The following CD6 variants were observed in gnomAD, a reference collection of about 807,000 sequenced individuals.
The protein encoded by CD6 is CD6 molecule.
CD6 carries 53 observed loss-of-function variants against 75.3 expected under a neutral mutation model. The ratio of observed to expected loss-of-function variants is 0.70; its 90% CI spans 0.56 to 0.88. CD6 has a LOEUF of 0.88. Ranked by LOEUF, CD6 falls within the 40% of genes least tolerant of loss-of-function variation. The pLI, the probability that CD6 is intolerant of heterozygous loss-of-function variation, is 0.00. For missense variants in CD6, 770 were observed against 897.1 expected (o/e 0.86, Z 1.81); for synonymous variants, 359 against 381.5 (o/e 0.94, Z 0.69).
At chr11:60,988,934 C>T (rs1857940842) in intron 1 of CD6, among the ~76,000 whole-genome samples, 1 of 152,220 alleles carries the variant, frequency 6.6e-6, no homozygotes, top group Non-Finnish European at 1.5e-5. Context: ...CTCCCCTCCT[C>T]CAGCCTGCAG....
At chr11:60,995,348 T>C (rs1252309800) in intron 1 of CD6, among the ~76,000 whole-genome samples, 2 of 152,120 alleles carry the variant, frequency 1.3e-5, no homozygotes, top group African/African-American at 4.8e-5. Flanking sequence ...TTTCGCCATG[T>C]TGGCCAGGCT....
chr11:61,017,566 A>G lies in CD6; in HGVS notation c.1582+16A>G, dbSNP rs2074232. ...TTGGAGGAAGGTGAGTCAGGATGGG[A>G]AGGGGTGTGAATGGCAGTCCCACCT... On this transcript the variant is annotated intron_variant, in intron 10 of 12. Transcript: ENST00000313421. 0.62 allele frequency: 959,880 copies of G among 1,558,118 alleles called. 306,874 individuals carry two copies. Among genetic ancestry groups the G allele is most frequent in the Middle Eastern group, 0.82 (4,850 of 5,918 alleles).
At position 61,007,093 on chromosome 11, in the gene CD6, C is replaced by T. The variant is rs1858897419; in HGVS notation, c.118+451C>T. ...TCAGCTGAAGCAGCCCATCATCAAC[C>T]CCATGGCCAGCCGCTTCACAATCCT... is the stretch of plus-strand genomic sequence containing the variant. On this transcript the variant is annotated intron_variant, in intron 2 of 12. Coordinates refer to ENST00000313421, the MANE Select transcript of CD6 (RefSeq NM_006725.5). The surrounding 1 kb of genome is among the most constrained non-coding windows in gnomAD (Gnocchi z 4.2). Among the ~76,000 whole-genome samples, 1 of 152,196 alleles carries T rather than the reference C, an allele frequency of 6.6e-6. No individual in the cohort carries two copies. The highest frequency in any genetic ancestry group is 2.4e-5 in the African/African-American group (1 of 41,528).
Position 61,016,090 on chromosome 11 carries a change from G to A in CD6, c.1510+255G>A, listed in dbSNP as rs538205556. Among the ~76,000 whole-genome samples the A allele has an allele frequency of 1.2e-3, 177 of 152,322 alleles. 1 individual carries two copies. The highest frequency in any genetic ancestry group is 1.1e-3 in the Non-Finnish European group (72 of 68,030). Reference sequence around the variant, plus strand: ...CTCTCCCATGTTTGTCTCTGGCCACGTAAGGTCTTAAGACCAGGCCTTTGA... The same window carrying A: ...CTCTCCCATGTTTGTCTCTGGCCACATAAGGTCTTAAGACCAGGCCTTTGA... On this transcript the variant is annotated intron_variant, in intron 9 of 12. Transcript: ENST00000313421.
chr11:61,009,544 G>T, intron 4 of CD6, 28 bp from the exon 5 acceptor site: 2 of 1,558,252 alleles, frequency 1.3e-6, no homozygotes, highest in South Asian at 2.4e-5. Context: ...ATTCTGACCT[G>T]ACTCTGTCCC....
chr11:61,007,778 A>G lies in CD6; in HGVS notation c.337A>G (p.Thr113Ala). Reference protein sequence around the residue: ...ELPPPPAAGNTSVAANATLAG... With the variant: ...ELPPPPAAGNASVAANATLAG... ...GCCGCCCCCGCCTGCAGCCGGGAAC[A>G]CCAGCGTAGCAGCTAATGCCACTCT... The change falls in exon 3 of 13, where the codon ACC (threonine) becomes GCC (alanine). Residue 113 changes from threonine (T) to alanine (A), a missense_variant. Thr to Ala is a moderately conservative substitution (Grantham distance 58). Coordinates refer to ENST00000313421, the MANE Select transcript of CD6 (RefSeq NM_006725.5). This position sits in a 1 kb window ranked among gnomAD's most constrained non-coding sequence, Gnocchi z 4.2. The G allele has an allele frequency of 6.8e-7, 1 of 1,471,734 alleles. No homozygotes were observed. Among genetic ancestry groups the G allele is most frequent in the Non-Finnish European group, 9.0e-7 (1 of 1,112,760 alleles). The allele number at this position is 1,471,734 out of a possible 1,614,324, so 91.2% of individuals were successfully genotyped here.
At chr11:60,992,343 T>A (rs962320132) in intron 1 of CD6, among the ~76,000 whole-genome samples, 2 of 143,852 alleles carry the variant, frequency 1.4e-5, no homozygotes, top group South Asian at 2.3e-4. Flanking sequence ...TTTTTTTTTT[T>A]ATATATAACT....
intron 1 of CD6, among the ~76,000 whole-genome samples, chr11:60,976,629 A>C (rs1857373615): frequency 6.6e-6 from 1 of 152,200 alleles, no homozygotes; most frequent in Non-Finnish European, 1.5e-5. Flanking sequence ...TATGCCAAGC[A>C]GGTTGAAGTT....
intron 1 of CD6, among the ~76,000 whole-genome samples, chr11:60,972,360 T>A (rs2905689): frequency 2.0e-5 from 3 of 152,182 alleles, no homozygotes; most frequent in Admixed American, 6.5e-5. Flanking sequence ...GGAGAGCACC[T>A]CCCGAAACAG....
chr11:61,001,455 C>G (rs915415708), intron 1 of CD6, among the ~76,000 whole-genome samples: 1 of 152,122 alleles, frequency 6.6e-6, no homozygotes, highest in Non-Finnish European at 1.5e-5. Context: ...CCCACCTTGG[C>G]CTCCCAAAGT....
chr11:60,984,035 G>A (rs1328820958), intron 1 of CD6, among the ~76,000 whole-genome samples: 2 of 151,964 alleles, frequency 1.3e-5, no homozygotes, highest in East Asian at 3.9e-4. Flanking sequence ...AGGCACATGG[G>A]CTCTCCATGT....
chr11:61,019,180 C>A, intron 12 of CD6, 74 bp from the exon 13 acceptor site: 2 of 1,139,296 alleles, frequency 1.8e-6, no homozygotes, highest in Non-Finnish European at 2.6e-6. Context: ...GGAGCCAGAA[C>A]CACTCAGCTC....
In CD6 at chr11:61,018,072, A is replaced by T; in HGVS notation, c.1837+59A>T. 1.3e-6 allele frequency: 2 copies of T among 1,581,856 alleles called. 1 individual carries two copies. The highest frequency in any genetic ancestry group is 2.3e-5 in the South Asian group (2 of 86,700). On this transcript the variant is annotated intron_variant, in intron 11 of 12. Transcript: ENST00000313421. ...AGCCAGCCTGGCTGGAGGAGGCATA[A>T]AGCTGGGAGCCCTGAGTCAGGCTGA...
chr11:60,986,940 C>T, intron 1 of CD6, among the ~76,000 whole-genome samples: 1 of 152,126 alleles, frequency 6.6e-6, no homozygotes, highest in East Asian at 1.9e-4. Context: ...CCAGCCTGGC[C>T]AACGTGGTGA....
At chr11:60,983,199 C>T (rs554858278) in intron 1 of CD6, among the ~76,000 whole-genome samples, 33 of 151,756 alleles carry the variant, frequency 2.2e-4, no homozygotes, top group African/African-American at 6.3e-4. Flanking sequence ...CAGGTTCAAG[C>T]GAGTCTCGTG....
chr11:60,999,442 C>T (rs1320837949), intron 1 of CD6, among the ~76,000 whole-genome samples: 1 of 150,770 alleles, frequency 6.6e-6, no homozygotes, highest in Non-Finnish European at 1.5e-5. Context: ...GGAGATTGTA[C>T]TCGGGCTCTC....
At position 61,013,917 on chromosome 11, in the gene CD6, A is replaced by C. The variant is rs754259701; in HGVS notation, c.1292-2A>C. 14 of 1,600,774 alleles carry C rather than the reference A, an allele frequency of 8.7e-6. No homozygotes were observed. Among genetic ancestry groups the C allele is most frequent in the Non-Finnish European group, 1.2e-5 (14 of 1,173,304 alleles). ...GTAGAATTTCTGCCTCCCCTCCCTC[A>C]GCCCTCCCCGTAATGGTGAACCACC... On this transcript the variant is annotated splice_acceptor_variant, in intron 7 of 12. Transcript: ENST00000313421. LOFTEE classifies it high-confidence loss of function.
At position 60,971,747 on chromosome 11, in the gene CD6, A is replaced by C. The variant is rs930527111; in HGVS notation, c.-119A>C. The C allele has an allele frequency of 1.1e-6, 1 of 944,684 alleles. No individual in the cohort carries two copies. Among genetic ancestry groups the C allele is most frequent in the Non-Finnish European group, 1.6e-6 (1 of 606,078 alleles). The allele number at this position is 944,684 out of a possible 1,614,324, so 58.5% of individuals were successfully genotyped here. A position where few individuals can be genotyped will look rare whatever the true frequency, so the allele number is the denominator to read the frequency against. ...GAGCAGAGAGAGACACAGGAACAAG[A>C]ACAGCAAAGGGTAGAGCAGACCTGC... is the stretch of plus-strand genomic sequence containing the variant. On this transcript the variant is annotated 5_prime_UTR_variant, in exon 1 of 13. Coordinates refer to ENST00000313421, the MANE Select transcript of CD6 (RefSeq NM_006725.5).
intron 1 of CD6, among the ~76,000 whole-genome samples, chr11:60,986,599 A>G (rs975487417): frequency 2.0e-5 from 3 of 152,192 alleles, no homozygotes; most frequent in Non-Finnish European, 2.9e-5. Flanking sequence ...GTTGAAATTC[A>G]GTTCCGAGAA....
Sources: gnomAD v4.1 joint callset for allele counts (sites outside exome capture counted in the v4.1 genomes callset) on GRCh38, gnomAD v4.1.1 for gene constraint, Gnocchi (gnomAD v3.1) non-coding constraint, MANE v1.5 for transcripts, NCBI Gene and HGNC (gene_info 2026-07-23, HGNC 2026-07-21) for gene names.